Variants in SI observed in about 807,000 individuals in gnomAD.
SI encodes the protein sucrase-isomaltase.
In SI, 235 loss-of-function variants were observed where a neutral mutation model predicts 253.3. That is an observed-to-expected ratio of 0.93 (90% CI 0.83 to 1.03). The LOEUF is 1.03. Ranked by LOEUF, SI falls within the 50% of genes least tolerant of loss-of-function variation. SI has a pLI of 0.00. For missense variants in SI, 2,442 were observed against 2,211.1 expected (o/e 1.10, Z -2.09); for synonymous variants, 819 against 712.0 (o/e 1.15, Z -2.39).
At chr3:165,074,271 G>T (rs1468178894) in intron 3 of SI, among the ~76,000 whole-genome samples, 2 of 151,904 alleles carry the variant, frequency 1.3e-5, no homozygotes, top group Non-Finnish European at 2.9e-5. Flanking sequence ...AGAATTTCAT[G>T]AAGATTTGTA....
chr3:165,012,833 A>T, intron 34 of SI, 147 bp downstream of exon 34: 4 of 667,458 alleles, frequency 6.0e-6, no homozygotes, highest in Non-Finnish European at 1.1e-5. Flanking sequence ...AATTAGGTAA[A>T]TTTTATCTAA....
intron 47 of SI, among the ~76,000 whole-genome samples, chr3:164,980,439 G>T (rs896831303): frequency 6.6e-6 from 1 of 151,830 alleles, no homozygotes; most frequent in African/African-American, 2.4e-5. Context: ...AAATTATATT[G>T]CTAGAGCAAT....
chr3:165,063,155 T>C (rs548469733), intron 8 of SI, among the ~76,000 whole-genome samples: 1 of 152,100 alleles, frequency 6.6e-6, no homozygotes, highest in African/African-American at 2.4e-5. Context: ...AATGAGATTG[T>C]GGGAATGAAA....
upstream of SI, among the ~76,000 whole-genome samples, chr3:165,082,074 A>T (rs1347079535): frequency 6.6e-6 from 1 of 151,978 alleles, no homozygotes; most frequent in Non-Finnish European, 1.5e-5. Context: ...CTCTAGATGT[A>T]ACGATTCTTA....
intron 47 of SI, among the ~76,000 whole-genome samples, chr3:164,981,212 T>G (rs2108106381): frequency 6.6e-6 from 1 of 152,162 alleles, no homozygotes; most frequent in East Asian, 1.9e-4. Context: ...TGATACAGTT[T>G]TAAGAAAAAT....
chr3:165,059,765 C>T (rs777458421), intron 10 of SI, 137 bp downstream of exon 10: 91 of 887,196 alleles, frequency 1.0e-4, no homozygotes, highest in Admixed American at 2.0e-4. Context: ...ATAAAATATA[C>T]TTTACAATTA....
At chr3:165,004,817 G>A (rs1336479527) in intron 37 of SI, among the ~76,000 whole-genome samples, 1 of 152,098 alleles carries the variant, frequency 6.6e-6, no homozygotes, top group Non-Finnish European at 1.5e-5. Flanking sequence ...GGTTGTGTGG[G>A]GGTGAGGGGA....
chr3:164,996,888 C>A (rs569184256), intron 38 of SI, 116 bp from the exon 39 acceptor site: 79 of 544,480 alleles, frequency 1.5e-4, no homozygotes, highest in Non-Finnish European at 2.2e-4. Context: ...AAACCTGAAA[C>A]ATTTTTCAGA....
chr3:165,013,014 A>G lies in SI; in HGVS notation c.4028T>C (p.Ile1343Thr), dbSNP rs779805310. The G allele has an allele frequency of 1.2e-5, 19 of 1,610,730 alleles. No homozygotes were observed. Among genetic ancestry groups the G allele is most frequent in the Admixed American group, 5.0e-5 (3 of 59,984 alleles). The change falls in exon 34 of 48, where the codon ATA (isoleucine) becomes ACA (threonine). Residue 1343 changes from isoleucine to threonine, a missense_variant. Coordinates refer to ENST00000264382, the MANE Select transcript of SI (RefSeq NM_001041.4). ...TTCATCTTCCGTTAGAGTTTTATCT[A>G]TTGTTATGTTGGGCAAATCTGGCCA... ...KVWPDLPNITIDKTLTEDEAV... is the reference protein window; with the variant it reads ...KVWPDLPNITTDKTLTEDEAV...
intron 24 of SI, 36 bp from the exon 25 acceptor site, chr3:165,030,903 A>G: frequency 6.5e-7 from 1 of 1,530,766 alleles, no homozygotes. Flanking sequence ...AAAAAAGAAA[A>G]AAAAAACACA....
chr3:165,032,729 A>G, intron 23 of SI, 37 bp from the exon 24 acceptor site: 1 of 1,385,866 alleles, frequency 7.2e-7, no homozygotes, highest in Non-Finnish European at 1.0e-6. Flanking sequence ...ATATTAGGTC[A>G]TCAGATACAA....
At chr3:164,994,180 T>G in intron 41 of SI, 77 bp downstream of exon 41, 1 of 1,296,422 alleles carries the variant, frequency 7.7e-7, no homozygotes, top group Non-Finnish European at 1.1e-6. Context: ...TATTTTATAT[T>G]GCACTATAAG....
At chr3:165,049,912 A>T (rs780505375) in intron 13 of SI, 37 bp from the exon 14 acceptor site, 8 of 1,242,944 alleles carry the variant, frequency 6.4e-6, no homozygotes, top group Non-Finnish European at 9.5e-6. Context: ...CAGATTTTAC[A>T]TAATTATAAA....
chr3:165,085,563 A>C, the SI span, among the ~76,000 whole-genome samples: 1 of 152,154 alleles, frequency 6.6e-6, no homozygotes, highest in Non-Finnish European at 1.5e-5. Context: ...CATTTACCAC[A>C]GTGTGAGATT....
chr3:165,036,053 C>T (rs1712512873), intron 22 of SI, among the ~76,000 whole-genome samples: 1 of 151,686 alleles, frequency 6.6e-6, no homozygotes, highest in African/African-American at 2.4e-5. Flanking sequence ...TAGTTATAAT[C>T]ACTACCTTAC....
At chr3:165,002,696 C>G (rs1718309731) in intron 37 of SI, among the ~76,000 whole-genome samples, 1 of 151,472 alleles carries the variant, frequency 6.6e-6, no homozygotes, top group Non-Finnish European at 1.5e-5. Context: ...TTACATTTGT[C>G]AAGGTCTTTA....
At chr3:164,982,496 G>A in intron 46 of SI, 86 bp from the exon 47 acceptor site, 3 of 888,210 alleles carry the variant, frequency 3.4e-6, no homozygotes, top group Non-Finnish European at 5.5e-6. Context: ...AACCAAAAAT[G>A]TATTTCGTAG....
chr3:165,036,432 G>C lies in SI; in HGVS notation c.2472C>G (p.Asn824Lys), dbSNP rs201124657. 1.2e-6 allele frequency: 2 copies of C among 1,611,478 alleles called. No individual in the cohort carries two copies. The highest frequency in any genetic ancestry group is 1.7e-6 in the Non-Finnish European group (2 of 1,178,424). ...LGLIVALGEN[N>K]TAKGDFFWDD... Reference sequence around the variant, plus strand: ...CCCAGAAAAAGTCTCCTTTGGCTGTGTTGTTTTCACCTAATGCGACTATAA... The same window carrying C: ...CCCAGAAAAAGTCTCCTTTGGCTGTCTTGTTTTCACCTAATGCGACTATAA... The change falls in exon 22 of 48, where the codon AAC becomes AAG. Residue 824 changes from asparagine (N) to lysine (K), a missense_variant. Coordinates refer to ENST00000264382, the MANE Select transcript of SI (RefSeq NM_001041.4).
At chr3:165,041,586 G>A (rs1309825322) in intron 17 of SI, among the ~76,000 whole-genome samples, 1 of 152,066 alleles carries the variant, frequency 6.6e-6, no homozygotes, top group African/African-American at 2.4e-5. Context: ...TTATCCCATT[G>A]CTATTAGAAT....
Sources: allele counts gnomAD v4.1 joint callset (sites outside exome capture counted in the v4.1 genomes callset), GRCh38; gene constraint gnomAD v4.1.1; transcripts MANE v1.5; gene names NCBI Gene and HGNC (gene_info 2026-07-23, HGNC 2026-07-21).